Variants in HCRTR2 observed in about 807,000 individuals in gnomAD.
HCRTR2 encodes hypocretin receptor 2.
A neutral mutation model predicts 49.0 loss-of-function variants in HCRTR2; 22 were observed. The ratio of observed to expected loss-of-function variants is 0.45; its 90% CI spans 0.32 to 0.64. The LOEUF (loss-of-function observed/expected upper bound fraction) is 0.64, where lower values mean the gene tolerates loss of function less well. HCRTR2 is among the 30% of genes least tolerant of loss of function. The probability of loss-of-function intolerance (pLI) is 0.04; values close to 1 mark genes in which losing one functional copy is unlikely to be tolerated. For missense variants in HCRTR2, 491 were observed against 559.4 expected, an observed-to-expected ratio of 0.88 and a Z score of 1.23; for synonymous variants, 236 against 205.3, an observed-to-expected ratio of 1.15 and a Z score of -1.28.
At chr6:55,219,411 A>G (rs1765848558) in intron 1 of HCRTR2, among the ~76,000 whole-genome samples, 1 of 152,222 alleles carries the variant, frequency 6.6e-6, no homozygotes, top group South Asian at 2.1e-4. Flanking sequence ...AATTTCACCA[A>G]TATGTGTACA....
intron 4 of HCRTR2, among the ~76,000 whole-genome samples, chr6:55,266,360 C>G (rs1317396746): frequency 6.6e-6 from 1 of 152,096 alleles, no homozygotes; most frequent in Non-Finnish European, 1.5e-5. Flanking sequence ...ACATCAGTTG[C>G]TTTTTTCATA....
chr6:55,169,587 A>G (rs2127266499), upstream of HCRTR2, among the ~76,000 whole-genome samples: 2 of 152,144 alleles, frequency 1.3e-5, no homozygotes, highest in South Asian at 4.1e-4. Flanking sequence ...GCTGAAGACC[A>G]TATTGTTTTT....
At chr6:55,187,937 C>T (rs368319048) in intron 1 of HCRTR2, among the ~76,000 whole-genome samples, 173 of 152,044 alleles carry the variant, frequency 1.1e-3, no homozygotes, top group Admixed American at 2.2e-3. Flanking sequence ...CCACCATGCC[C>T]GGCTAATTTT....
At chr6:55,178,346 T>G (rs935900653) in intron 1 of HCRTR2, among the ~76,000 whole-genome samples, 3 of 152,170 alleles carry the variant, frequency 2.0e-5, no homozygotes, top group African/African-American at 7.2e-5. Flanking sequence ...AACATCAGTC[T>G]AGCTATGCTT....
At chr6:55,220,302 G>A (rs1765867640) in intron 1 of HCRTR2, among the ~76,000 whole-genome samples, 1 of 152,106 alleles carries the variant, frequency 6.6e-6, no homozygotes, top group Admixed American at 6.5e-5. Flanking sequence ...AAATGCAAAA[G>A]TTGTCAATAA....
In HCRTR2 at chr6:55,277,525, C is replaced by T. The variant is rs1156311314; in HGVS notation, c.908C>T (p.Ala303Val). 1 of 1,613,920 alleles carries T rather than the reference C, an allele frequency of 6.2e-7. No homozygotes were observed. Among genetic ancestry groups the T allele is most frequent in the African/African-American group, 1.3e-5 (1 of 74,910 alleles). The stretch of plus-strand genomic sequence containing the variant: ...CAGATCCGAGCCAGAAGGAAAACAG[C>T]CCGGATGTTGATGATTGTGCTTTTG... ...IKQIRARRKTARMLMIVLLVF... is the reference protein window; with the variant it reads ...IKQIRARRKTVRMLMIVLLVF... Residue 303 changes from alanine to valine, a missense_variant, in exon 5 of 7, where the codon GCC (alanine) becomes GTC (valine). Transcript: ENST00000370862.
At chr6:55,213,155 A>T (rs1581833357) in intron 1 of HCRTR2, among the ~76,000 whole-genome samples, 1 of 152,184 alleles carries the variant, frequency 6.6e-6, no homozygotes, top group Non-Finnish European at 1.5e-5. Context: ...GAGCTAGTAC[A>T]GAAAGCAAAT....
intron 1 of HCRTR2, among the ~76,000 whole-genome samples, chr6:55,244,813 A>G (rs1268852867): frequency 2.0e-5 from 3 of 152,076 alleles, no homozygotes; most frequent in Admixed American, 1.3e-4. Context: ...TTAAGTCTTT[A>G]ATCCATCTTC....
At chr6:55,185,611 G>A (rs1345443213) in intron 1 of HCRTR2, among the ~76,000 whole-genome samples, 1 of 152,138 alleles carries the variant, frequency 6.6e-6, no homozygotes, top group African/African-American at 2.4e-5. Flanking sequence ...GATTAAGAAA[G>A]TATCTTCCAA....
intron 1 of HCRTR2, among the ~76,000 whole-genome samples, chr6:55,178,740 A>G (rs780938176): frequency 8.5e-5 from 13 of 152,150 alleles, no homozygotes; most frequent in Non-Finnish European, 1.9e-4. Context: ...CCTTTTCCAC[A>G]CTAGCTCCAC....
At chr6:55,202,104 G>A (rs1441459309) in intron 1 of HCRTR2, among the ~76,000 whole-genome samples, 1 of 152,216 alleles carries the variant, frequency 6.6e-6, no homozygotes, top group East Asian at 1.9e-4. Flanking sequence ...CTGAGATTTG[G>A]AAAGAAGAGA....
At chr6:55,244,785 G>A (rs566472865) in intron 1 of HCRTR2, among the ~76,000 whole-genome samples, 1 of 151,934 alleles carries the variant, frequency 6.6e-6, no homozygotes, top group Admixed American at 6.6e-5. Flanking sequence ...AGGGTTTCTA[G>A]AGTTTCGGGT....
chr6:55,199,668 T>C (rs1211933175), intron 1 of HCRTR2, among the ~76,000 whole-genome samples: 1 of 152,138 alleles, frequency 6.6e-6, no homozygotes, highest in Non-Finnish European at 1.5e-5. Flanking sequence ...TATGCGTACT[T>C]CAAAATAATT....
chr6:55,118,874 G>A (rs991225055), intron 1 of HCRTR2, among the ~76,000 whole-genome samples: 1 of 151,410 alleles, frequency 6.6e-6, no homozygotes, highest in South Asian at 2.1e-4. Context: ...TGCCATGGTG[G>A]TTTGCTATAC....
At position 55,122,110 on chromosome 6, in the gene HCRTR2, G is replaced by T. The variant is rs1289105945; in HGVS notation, c.-378+15565G>T. 2.6e-5 allele frequency among the ~76,000 whole-genome samples: 4 copies of T among 152,028 alleles called. No individual in the cohort carries two copies. The East Asian group carries it at 5.8e-4, about 22-fold the overall frequency. On this transcript the variant is annotated intron_variant, in intron 1 of 7. Transcript: ENST00000615358. ...TCTGGTCCTGGACTTTTTTTGGTTG[G>T]TAAGCTATTAATTATTGCCTCAATT...
chr6:55,115,319 G>C (rs990794931), intron 1 of HCRTR2, among the ~76,000 whole-genome samples: 8 of 151,698 alleles, frequency 5.3e-5, no homozygotes, highest in African/African-American at 1.9e-4. Flanking sequence ...ATTCAGAGTA[G>C]AGACTTTTCA....
At chr6:55,193,536 C>CT (rs578052261) in intron 1 of HCRTR2, among the ~76,000 whole-genome samples, 156 of 140,192 alleles carry the variant, frequency 1.1e-3, no homozygotes, top group East Asian at 5.4e-3. Context: ...TTTTGTTTTT[C>CT]TTTTTTTTTT....
chr6:55,111,891 T>C (rs993153486), intron 1 of HCRTR2, among the ~76,000 whole-genome samples: 1 of 152,020 alleles, frequency 6.6e-6, no homozygotes, highest in African/African-American at 2.4e-5. Context: ...GCAAAAATCC[T>C]CATTGCAATT....
chr6:55,134,961 A>T (rs531822347), intron 1 of HCRTR2, among the ~76,000 whole-genome samples: 14 of 152,140 alleles, frequency 9.2e-5, no homozygotes, highest in Admixed American at 6.6e-4. Flanking sequence ...TGGAGTGCAG[A>T]TATTTCTTCT....
Sources: allele counts gnomAD v4.1 joint callset (sites outside exome capture counted in the v4.1 genomes callset), GRCh38; gene constraint gnomAD v4.1.1; transcripts MANE v1.5; gene names NCBI Gene and HGNC (gene_info 2026-07-23, HGNC 2026-07-21).